NDUFA5: variants seen among roughly 807,000 people sequenced by gnomAD.
NDUFA5 encodes the protein NADH:ubiquinone oxidoreductase subunit A5, also known as NADH dehydrogenase [ubiquinone] 1 alpha subcomplex subunit 5.
Under a neutral mutation model 19.8 loss-of-function variants are expected in NDUFA5, and 11 were observed. The ratio of observed to expected loss-of-function variants is 0.56; its 90% CI spans 0.35 to 0.92. The LOEUF (loss-of-function observed/expected upper bound fraction) is 0.92, where lower values mean the gene tolerates loss of function less well. NDUFA5 is among the 40% of genes least tolerant of loss of function. The pLI is 0.01. For synonymous variants in NDUFA5, 47 were observed against 46.8 expected, an observed-to-expected ratio of 1.00 and a Z score of -0.01; for missense variants, 109 against 134.2, an observed-to-expected ratio of 0.81 and a Z score of 0.93.
chr7:123,572,706 CT>C, the NDUFA5 span, among the ~76,000 whole-genome samples: 5 of 147,818 alleles, frequency 3.4e-5, no homozygotes, highest in South Asian at 2.2e-4. Context: ...CACTCTATCT[CT>C]TTTTTTTCAA....
the NDUFA5 span, among the ~76,000 whole-genome samples, chr7:123,576,656 T>C: frequency 2.0e-5 from 3 of 152,126 alleles, no homozygotes; most frequent in Non-Finnish European, 4.4e-5. Context: ...CAAGAAGACT[T>C]GTACCACCAC....
chr7:123,573,024 A>G, the NDUFA5 span, among the ~76,000 whole-genome samples: 1 of 152,086 alleles, frequency 6.6e-6, no homozygotes, highest in Non-Finnish European at 1.5e-5. Context: ...TTTTAACAAC[A>G]TCTAAATGTG....
the NDUFA5 span, among the ~76,000 whole-genome samples, chr7:123,580,580 T>C: frequency 8.5e-3 from 1,298 of 152,142 alleles, 21 homozygotes; most frequent in African/African-American, 0.03. Flanking sequence ...ATAATGCATA[T>C]GAAAACCCAG....
rs1253605010 is a variant in NDUFA5, at chr7:123,540,540, T to C, written c.*1579A>G. On this transcript the variant is annotated 3_prime_UTR_variant, in exon 5 of 5. Coordinates refer to ENST00000355749, the MANE Select transcript of NDUFA5 (RefSeq NM_005000.5). ...CACTTCAGCATCATGTTTTAATAAA[T>C]ATATTATATATTCAAGAAATGTTTA... The C allele has an allele frequency of 2.6e-5, 4 of 152,264 alleles. No individual in the cohort carries two copies. The highest frequency in any genetic ancestry group is 4.4e-5 in the Non-Finnish European group (3 of 68,028). 9.4% of individuals were successfully genotyped at this position (152,264 alleles called of 1,614,324 possible).
intron 2 of NDUFA5, chr7:123,556,452 G>C (rs1348303852): frequency 6.0e-6 from 1 of 166,250 alleles, no homozygotes. Context: ...AAAGGTCCAA[G>C]AACTAAATCC....
upstream of NDUFA5, among the ~76,000 whole-genome samples, chr7:123,562,633 T>G (rs925068199): frequency 3.9e-5 from 6 of 152,148 alleles, no homozygotes; most frequent in African/African-American, 1.4e-4. Context: ...CTGCAGCTTT[T>G]TTTACCTCTC....
intron 4 of NDUFA5, 125 bp downstream of exon 4, chr7:123,545,486 T>C (rs915366031): frequency 1.4e-6 from 1 of 712,352 alleles, no homozygotes; most frequent in South Asian, 1.6e-5. Context: ...ATTTTCTATA[T>C]GTGATTAGTC....
At chr7:123,550,670 A>C in intron 2 of NDUFA5, 84 bp from the exon 3 acceptor site, 3 of 793,436 alleles carry the variant, frequency 3.8e-6, no homozygotes, top group East Asian at 2.7e-5. Flanking sequence ...GACAAAACAA[A>C]CAAAACTCAC....
the NDUFA5 span, among the ~76,000 whole-genome samples, chr7:123,594,210 G>T: frequency 6.6e-6 from 1 of 151,912 alleles, no homozygotes; most frequent in African/African-American, 2.4e-5. Context: ...TAGCTTCCTT[G>T]CAATGGGTTA....
At chr7:123,547,917 A>C (rs1337644533) in intron 3 of NDUFA5, among the ~76,000 whole-genome samples, 1 of 152,134 alleles carries the variant, frequency 6.6e-6, no homozygotes, top group Non-Finnish European at 1.5e-5. Flanking sequence ...ATTCGGTTCT[A>C]ACAAAAAGTG....
chr7:123,585,344 C>A, the NDUFA5 span, among the ~76,000 whole-genome samples: 2 of 151,502 alleles, frequency 1.3e-5, no homozygotes, highest in Non-Finnish European at 2.9e-5. Context: ...AACTTCCTCC[C>A]CCTATTCCCT....
At chr7:123,564,924 T>C in the NDUFA5 span, among the ~76,000 whole-genome samples, 2 of 128,792 alleles carry the variant, frequency 1.6e-5, no homozygotes, top group African/African-American at 6.5e-5. Flanking sequence ...CACACACATA[T>C]ATATACACAT....
At chr7:123,584,057 C>T in the NDUFA5 span, among the ~76,000 whole-genome samples, 3 of 151,884 alleles carry the variant, frequency 2.0e-5, no homozygotes, top group African/African-American at 7.3e-5. Context: ...GCATGTACTG[C>T]TTTGGTGAGC....
chr7:123,590,941 T>G, the NDUFA5 span, among the ~76,000 whole-genome samples: 1 of 152,172 alleles, frequency 6.6e-6, no homozygotes, highest in Non-Finnish European at 1.5e-5. Context: ...GTATGGAATG[T>G]TCTTCCATTT....
the NDUFA5 span, among the ~76,000 whole-genome samples, chr7:123,569,662 G>A: frequency 6.6e-6 from 1 of 152,146 alleles, no homozygotes; most frequent in South Asian, 2.1e-4. Flanking sequence ...AAATCCAGCT[G>A]AACAAGAAGA....
At chr7:123,559,858 A>G (rs1334174995), upstream of NDUFA5, among the ~76,000 whole-genome samples, 1 of 127,736 alleles carries the variant, frequency 7.8e-6, no homozygotes, top group East Asian at 2.1e-4. Context: ...TCCGTCTCAC[A>G]AAAAAAAAAA....
chr7:123,573,847 T>C, the NDUFA5 span, among the ~76,000 whole-genome samples: 1 of 152,156 alleles, frequency 6.6e-6, no homozygotes, highest in Non-Finnish European at 1.5e-5. Flanking sequence ...TCTACAGAAA[T>C]GTTTATATTA....
At chr7:123,572,176 T>G in the NDUFA5 span, among the ~76,000 whole-genome samples, 1 of 119,312 alleles carries the variant, frequency 8.4e-6, no homozygotes, top group African/African-American at 3.2e-5. Context: ...AGAGTCTCAC[T>G]CTGTCACTAG....
intron 2 of NDUFA5, among the ~76,000 whole-genome samples, chr7:123,554,503 TAAACTATGTGCCG>T (rs1798466115): frequency 1.3e-5 from 2 of 151,774 alleles, no homozygotes; most frequent in Non-Finnish European, 2.9e-5. Flanking sequence ...TTATAAGTTT[TAAACTATGTGCCG>T]TTCAAAGTAG....
Sources: gnomAD v4.1 joint callset for allele counts (sites outside exome capture counted in the v4.1 genomes callset) on GRCh38, gnomAD v4.1.1 for gene constraint, MANE v1.5 for transcripts, NCBI Gene and HGNC (gene_info 2026-07-23, HGNC 2026-07-21) for gene names.